TRIM13: variants seen among roughly 807,000 people sequenced by gnomAD.
TRIM13 encodes tripartite motif containing 13.
TRIM13 carries 15 observed loss-of-function variants against 27.1 expected under a neutral mutation model. The observed-to-expected ratio is 0.55, with a 90% CI of 0.37 to 0.85. The LOEUF is 0.85. Among genes scored for constraint, TRIM13 ranks in the 40% least tolerant of loss-of-function variants. The pLI is 0.00. For synonymous variants in TRIM13, 193 were observed against 171.5 expected, an observed-to-expected ratio of 1.13 and a Z score of -0.98; for missense variants, 402 against 472.2, an observed-to-expected ratio of 0.85 and a Z score of 1.38.
intron 1 of TRIM13, among the ~76,000 whole-genome samples, chr13:50,005,348 T>C (rs940877815): frequency 6.6e-6 from 1 of 152,004 alleles, no homozygotes; most frequent in Non-Finnish European, 1.5e-5. Context: ...AGTGGTCACA[T>C]AGTTTTGTCT....
At position 50,012,833 on chromosome 13, in the gene TRIM13, C is replaced by G. The variant is rs775361687; in HGVS notation, c.893C>G (p.Ser298Cys). The G allele has an allele frequency of 1.9e-6, 3 of 1,614,120 alleles. No individual in the cohort carries two copies. The highest frequency in any genetic ancestry group is 1.7e-6 in the Non-Finnish European group (2 of 1,180,010). ...DIKLVDVDKLSLPQDTGTFIS... is the reference protein window; with the variant it reads ...DIKLVDVDKLCLPQDTGTFIS... ...AAACTAGTCGATGTGGATAAACTTT[C>G]TTTGCCTCAAGACACTGGCACATTC... Residue 298 changes from serine (S) to cysteine (C), a missense_variant, in exon 2 of 2, where the codon TCT (serine) becomes TGT (cysteine). Ser to Cys is a moderately radical substitution (Grantham distance 112). Coordinates refer to ENST00000378182, the MANE Select transcript of TRIM13 (RefSeq NM_213590.3).
At chr13:49,999,034 G>C (rs1873654434) in intron 1 of TRIM13, among the ~76,000 whole-genome samples, 1 of 151,904 alleles carries the variant, frequency 6.6e-6, no homozygotes, top group Non-Finnish European at 1.5e-5. Flanking sequence ...TGTAAATGTA[G>C]CCTGCTGTAT....
In TRIM13 at chr13:50,013,857, C is replaced by G. The variant is rs889890515; in HGVS notation, c.*693C>G. ...CCAGCCAAAGACTGCTCTTAAAGCA[C>G]CTTTTTGACAGTGAACATGGTCTAA... On this transcript the variant is annotated 3_prime_UTR_variant, in exon 2 of 2. Coordinates refer to ENST00000378182, the MANE Select transcript of TRIM13 (RefSeq NM_213590.3). 6.0e-6 allele frequency: 1 copy of G among 166,632 alleles called. No individual in the cohort carries two copies. Among genetic ancestry groups the G allele is most frequent in the Non-Finnish European group, 1.5e-5 (1 of 68,032 alleles). The allele number at this position is 166,632 out of a possible 1,614,324, so 10.3% of individuals were successfully genotyped here.
chr13:50,015,091 AAAAATATATATAT>A lies in TRIM13; in HGVS notation c.*1929_*1941del, dbSNP rs1214504535. ...TCCCAGTAATAAAAAAAAAAAAAAA[AAAAATATATATAT>A]ATATATATATATATATATATATATA... is the stretch of plus-strand genomic sequence containing the variant. On this transcript the variant is annotated 3_prime_UTR_variant, in exon 2 of 2. Coordinates refer to ENST00000378182, the MANE Select transcript of TRIM13 (RefSeq NM_213590.3). 3.1e-4 allele frequency: 9 copies of A among 29,066 alleles called. No homozygotes were observed. The highest frequency in any genetic ancestry group is 1.9e-3 in the South Asian group (1 of 538). The allele number at this position is 29,066 out of a possible 1,614,324, so 1.8% of individuals were successfully genotyped here.
chr13:50,015,093 AAATATATATATATAT>A lies in TRIM13; in HGVS notation c.*1931_*1945del, dbSNP rs1876293934. The A allele has an allele frequency of 4.2e-4, 6 of 14,206 alleles. No individual in the cohort carries two copies. The highest frequency in any genetic ancestry group is 2.7e-3 in the South Asian group (1 of 368). 0.9% of individuals were successfully genotyped at this position (14,206 alleles called of 1,614,324 possible). A position where few individuals can be genotyped will look rare whatever the true frequency, so the allele number is the denominator to read the frequency against. ...CCAGTAATAAAAAAAAAAAAAAAAAAAATATATATATATATATATATATATATATATATATATATA... is the reference window on the plus strand; with the variant it reads ...CCAGTAATAAAAAAAAAAAAAAAAAAATATATATATATATATATATATATA... On this transcript the variant is annotated 3_prime_UTR_variant, in exon 2 of 2. Transcript: ENST00000378182.
In TRIM13 at chr13:49,997,313, C is replaced by G. The variant is rs892454781; in HGVS notation, c.-457C>G. The G allele has an allele frequency of 6.5e-6, 1 of 152,682 alleles. No homozygotes were observed. The highest frequency in any genetic ancestry group is 2.4e-5 in the African/African-American group (1 of 41,416). The allele number at this position is 152,682 out of a possible 1,614,324, so 9.5% of individuals were successfully genotyped here. A position where few individuals can be genotyped will look rare whatever the true frequency, so the allele number is the denominator to read the frequency against. ...AAACCAGCGGGGCACTGTCATGGGCCTGGGGAGGAGCGGCCTGCGGAGGGC... is the reference window on the plus strand; with the variant it reads ...AAACCAGCGGGGCACTGTCATGGGCGTGGGGAGGAGCGGCCTGCGGAGGGC... On this transcript the variant is annotated 5_prime_UTR_variant, in exon 1 of 2. Coordinates refer to ENST00000378182, the MANE Select transcript of TRIM13 (RefSeq NM_213590.3).
At chr13:50,009,754 A>AAAAAC (rs1566438922) in intron 1 of TRIM13, among the ~76,000 whole-genome samples, 3 of 139,866 alleles carry the variant, frequency 2.1e-5, no homozygotes, top group Non-Finnish European at 3.1e-5. Context: ...AAAAAAAAAA[A>AAAAAC]AAAACAACAA....
chr13:50,017,205 A>T lies in TRIM13; in HGVS notation c.*4041A>T, dbSNP rs974224597. ...GATGGGATACTTTAACAAAAATGAA[A>T]TTTTTTTTGGTTTTTAAAATATGAG... On this transcript the variant is annotated 3_prime_UTR_variant, in exon 2 of 2. Transcript: ENST00000378182. 9 of 167,078 alleles carry T rather than the reference A, an allele frequency of 5.4e-5. No individual in the cohort carries two copies. Among genetic ancestry groups the T allele is most frequent in the South Asian group, 2.1e-4 (1 of 4,816 alleles). 10.3% of individuals were successfully genotyped at this position (167,078 alleles called of 1,614,324 possible). A position where few individuals can be genotyped will look rare whatever the true frequency, so the allele number is the denominator to read the frequency against.
At position 50,000,270 on chromosome 13, in the gene TRIM13, T is replaced by A. The variant is rs372694790; in HGVS notation, c.-7+2507T>A. Among the ~76,000 whole-genome samples the A allele has an allele frequency of 5.6e-4, 86 of 152,288 alleles. 1 individual carries two copies. Among genetic ancestry groups the A allele is most frequent in the African/African-American group, 1.8e-3 (76 of 41,564 alleles). ...GTGGACCACTCTAATACATCATTGG[T>A]TAGAGTTCATAAAGTGATATAAACC... On this transcript the variant is annotated intron_variant, in intron 1 of 1. Transcript: ENST00000378182.
Position 50,014,822 on chromosome 13 carries a change from T to C in TRIM13, c.*1658T>C, listed in dbSNP as rs1213733539. 6.0e-6 allele frequency: 1 copy of C among 166,352 alleles called. No homozygotes were observed. The highest frequency in any genetic ancestry group is 2.4e-5 in the African/African-American group (1 of 41,230). 10.3% of individuals were successfully genotyped at this position (166,352 alleles called of 1,614,324 possible). ...TTACCTCAGTCCTCCTCTAATTTGG[T>C]TGAGAGGAGGTAATGAAAATGGGGA... On this transcript the variant is annotated 3_prime_UTR_variant, in exon 2 of 2. Coordinates refer to ENST00000378182, the MANE Select transcript of TRIM13 (RefSeq NM_213590.3).
intron 1 of TRIM13, among the ~76,000 whole-genome samples, chr13:50,003,459 G>A (rs1036731152): frequency 1.3e-5 from 2 of 152,132 alleles, no homozygotes; most frequent in Non-Finnish European, 2.9e-5. Flanking sequence ...TTACTAATAG[G>A]TTTTATAAGG....
At chr13:50,001,291 CAAAA>C (rs35933096) in intron 1 of TRIM13, among the ~76,000 whole-genome samples, 3 of 91,456 alleles carry the variant, frequency 3.3e-5, no homozygotes, top group African/African-American at 9.6e-5. Flanking sequence ...AACTCTGTCC[CAAAA>C]AAAAAAAAAA....
Position 50,018,226 on chromosome 13 carries a change from T to TAG in TRIM13, c.*5063_*5064dup, listed in dbSNP as rs1334900423. On this transcript the variant is annotated 3_prime_UTR_variant, in exon 2 of 2. Coordinates refer to ENST00000378182, the MANE Select transcript of TRIM13 (RefSeq NM_213590.3). ...TATTTTATTTTTCAGTTTGTCCTCA[T>TAG]AGGGAATCAAGTATTTTAGCTAGGT... 35 of 167,046 alleles carry TAG rather than the reference T, an allele frequency of 2.1e-4. No individual in the cohort carries two copies. The highest frequency in any genetic ancestry group is 2.9e-5 in the Non-Finnish European group (2 of 68,108). 10.3% of individuals were successfully genotyped at this position (167,046 alleles called of 1,614,324 possible). A position where few individuals can be genotyped will look rare whatever the true frequency, so the allele number is the denominator to read the frequency against.
intron 1 of TRIM13, among the ~76,000 whole-genome samples, chr13:50,007,600 G>T (rs1446244691): frequency 6.6e-6 from 1 of 150,756 alleles, no homozygotes; most frequent in Admixed American, 6.6e-5. Context: ...GGCCAACATG[G>T]TGAAACCCCG....
rs921358134 is a variant in TRIM13, at chr13:50,013,362, T to C, written c.*198T>C. ...TAGTATAGGCCTGAACCTTTTTTTG[T>C]TTAAAAGAGTGCTTTTGAAATAAGC... is the stretch of plus-strand genomic sequence containing the variant. On this transcript the variant is annotated 3_prime_UTR_variant, in exon 2 of 2. Transcript: ENST00000378182. 6.8e-5 allele frequency: 32 copies of C among 470,600 alleles called. No individual in the cohort carries two copies. Among genetic ancestry groups the C allele is most frequent in the Non-Finnish European group, 1.1e-4 (29 of 270,384 alleles). 29.2% of individuals were successfully genotyped at this position (470,600 alleles called of 1,614,324 possible). A position where few individuals can be genotyped will look rare whatever the true frequency, so the allele number is the denominator to read the frequency against.
At chr13:50,000,173 G>A (rs1427944463) in intron 1 of TRIM13, among the ~76,000 whole-genome samples, 1 of 152,122 alleles carries the variant, frequency 6.6e-6, no homozygotes, top group African/African-American at 2.4e-5. Context: ...ATGGTAACAA[G>A]TGTGTCTTAT....
At position 50,012,995 on chromosome 13, in the gene TRIM13, C is replaced by CAGA. The variant is rs1454973588; in HGVS notation, c.1056_1057insGAA (p.Ser352_Asn353insGlu). 1 of 1,613,856 alleles carries CAGA rather than the reference C, an allele frequency of 6.2e-7. No individual in the cohort carries two copies. The highest frequency in any genetic ancestry group is 1.7e-5 in the Admixed American group (1 of 59,998). ...CTGGCAACTTGGAAAGGCTGTCTTT[C>CAGA]AAACTTCAGTTCCTATCTGACTAAA... is the stretch of plus-strand genomic sequence containing the variant. On this transcript the variant is annotated inframe_insertion, in exon 2 of 2. Coordinates refer to ENST00000378182, the MANE Select transcript of TRIM13 (RefSeq NM_213590.3).
At chr13:50,004,094 C>CT (rs1373328637) in intron 1 of TRIM13, among the ~76,000 whole-genome samples, 15 of 152,102 alleles carry the variant, frequency 9.9e-5, no homozygotes, top group Non-Finnish European at 1.5e-4. Context: ...CTTAATCTGA[C>CT]TTTAAGTTGA....
intron 1 of TRIM13, among the ~76,000 whole-genome samples, chr13:50,005,906 G>A (rs1015239395): frequency 7.9e-5 from 12 of 151,482 alleles, no homozygotes; most frequent in Admixed American, 4.6e-4. Flanking sequence ...TAGTAGAGAC[G>A]GGGTTTCTCC....
Sources: allele counts gnomAD v4.1 joint callset (sites outside exome capture counted in the v4.1 genomes callset), GRCh38; gene constraint gnomAD v4.1.1; transcripts MANE v1.5; gene names NCBI Gene and HGNC (gene_info 2026-07-23, HGNC 2026-07-21).